Variants in KIF3C observed in about 807,000 individuals in gnomAD.
KIF3C encodes kinesin family member 3C, also known as kinesin-like protein KIF3C.
KIF3C carries 12 observed loss-of-function variants against 67.7 expected under a neutral mutation model. The ratio of observed to expected loss-of-function variants is 0.18; its 90% CI spans 0.11 to 0.29. KIF3C has a LOEUF of 0.29. KIF3C is among the 10% of genes least tolerant of loss of function. KIF3C has a pLI of 1.00. For synonymous variants in KIF3C, 393 were observed against 426.2 expected, an observed-to-expected ratio of 0.92 and a Z score of 0.96; for missense variants, 789 against 1,059.6, an observed-to-expected ratio of 0.74 and a Z score of 3.55.
At chr2:25,936,909 A>C (rs1294315929) in intron 5 of KIF3C, among the ~76,000 whole-genome samples, 1 of 152,222 alleles carries the variant, frequency 6.6e-6, no homozygotes, top group Non-Finnish European at 1.5e-5. Context: ...ATAAAAGAAC[A>C]CAGGTTTTGG....
chr2:25,947,784 CT>C (rs1307858462), intron 5 of KIF3C, among the ~76,000 whole-genome samples: 1 of 151,998 alleles, frequency 6.6e-6, no homozygotes, highest in Admixed American at 6.6e-5. Context: ...AACACTACTA[CT>C]AGCTAGGTGG....
chr2:25,939,003 TC>T (rs1663216281), intron 5 of KIF3C, among the ~76,000 whole-genome samples: 1 of 152,040 alleles, frequency 6.6e-6, no homozygotes, highest in Admixed American at 6.6e-5. Context: ...CTTCCTGCTC[TC>T]CCTCTCTCCC....
At position 25,981,074 on chromosome 2, in the gene KIF3C, C is replaced by T; in HGVS notation, c.844G>A (p.Ala282Thr). 1 of 1,614,122 alleles carries T rather than the reference C, an allele frequency of 6.2e-7. No individual in the cohort carries two copies. Among genetic ancestry groups the T allele is most frequent in the African/African-American group, 1.3e-5 (1 of 75,054 alleles). Reference sequence around the variant, plus strand: ...GCTTCCTTAGGCCTCTCTCCACCAGCACCACCACCACTGCCTCCACCGCCA... The same window carrying T: ...GCTTCCTTAGGCCTCTCTCCACCAGTACCACCACCACTGCCTCCACCGCCA... ...GGGGGGSGGG[A>T]GGERPKEASK... The change falls in exon 1 of 8, where the codon GCT (alanine) becomes ACT (threonine). Residue 282 changes from alanine (A) to threonine (T), a missense_variant. Transcript: ENST00000264712. The surrounding 1 kb of genome is among the most constrained non-coding windows in gnomAD (Gnocchi z 8.2).
chr2:25,934,013 T>C, intron 5 of KIF3C: 1 of 371,686 alleles, frequency 2.7e-6, no homozygotes, highest in Non-Finnish European at 5.5e-6. Flanking sequence ...GGTATATTCA[T>C]AGAGTGGAAT....
intron 5 of KIF3C, chr2:25,934,071 T>C (rs1401017072): frequency 2.1e-6 from 1 of 466,386 alleles, no homozygotes; most frequent in Non-Finnish European, 4.4e-6. Flanking sequence ...TGTTCCAACA[T>C]GGACGAACCT....
chr2:25,960,861 G>A (rs567248539), intron 1 of KIF3C, among the ~76,000 whole-genome samples: 33 of 152,304 alleles, frequency 2.2e-4, no homozygotes, highest in African/African-American at 7.7e-4. Context: ...ACTTGAGCCT[G>A]GGAGGTTGAG....
chr2:25,963,001 T>C (rs1328906854), intron 1 of KIF3C, among the ~76,000 whole-genome samples: 1 of 48,218 alleles, frequency 2.1e-5, no homozygotes, highest in African/African-American at 1.3e-4. Context: ...ATATATAATA[T>C]ATAATATATA....
intron 5 of KIF3C, among the ~76,000 whole-genome samples, chr2:25,930,889 T>C (rs927683863): frequency 2.6e-5 from 4 of 152,028 alleles, no homozygotes; most frequent in African/African-American, 4.8e-5. Flanking sequence ...TTTTACCACG[T>C]TGGCCAAGCT....
rs1466097634 is a variant in KIF3C, at chr2:25,928,026, T to C, written c.*952A>G. On this transcript the variant is annotated 3_prime_UTR_variant, in exon 8 of 8. Coordinates refer to ENST00000264712, the MANE Select transcript of KIF3C (RefSeq NM_002254.8). ...GAAGGGAAAAAGCAATAGATGTTAA[T>C]ATCTTCGTTTAGCGAGGGGTAGAAT... is the stretch of plus-strand genomic sequence containing the variant. The C allele has an allele frequency of 6.6e-6, 1 of 152,622 alleles. No individual in the cohort carries two copies. The highest frequency in any genetic ancestry group is 2.4e-5 in the African/African-American group (1 of 41,460). The allele number at this position is 152,622 out of a possible 1,614,324, so 9.5% of individuals were successfully genotyped here. A position where few individuals can be genotyped will look rare whatever the true frequency, so the allele number is the denominator to read the frequency against.
In KIF3C at chr2:25,951,057, G is replaced by A. The variant is rs1383033104; in HGVS notation, c.2006+732C>T. Among the ~76,000 whole-genome samples the A allele has an allele frequency of 2.0e-5, 3 of 152,242 alleles. No individual in the cohort carries two copies. In the South Asian group the frequency reaches 6.2e-4, roughly 32 times the overall value. ...TTTTAACATTAATATTCTAGAGAGA[G>A]CAAATAATCTCCAGGAAGGTGCATT... On this transcript the variant is annotated intron_variant, in intron 5 of 7. Coordinates refer to ENST00000264712, the MANE Select transcript of KIF3C (RefSeq NM_002254.8).
chr2:25,950,744 A>C (rs1403225534), intron 5 of KIF3C, among the ~76,000 whole-genome samples: 1 of 152,082 alleles, frequency 6.6e-6, no homozygotes, highest in East Asian at 1.9e-4. Context: ...GAGAATCTCT[A>C]CCTAGATTGG....
chr2:25,936,704 T>C (rs868441433), intron 5 of KIF3C, among the ~76,000 whole-genome samples: 2 of 152,294 alleles, frequency 1.3e-5, no homozygotes, highest in South Asian at 4.1e-4. Flanking sequence ...TACTTGATAT[T>C]GTCAATTGCT....
chr2:25,939,067 C>T (rs1172251275), intron 5 of KIF3C, among the ~76,000 whole-genome samples: 2 of 152,032 alleles, frequency 1.3e-5, no homozygotes, highest in East Asian at 3.9e-4. Context: ...GATCTTGGCA[C>T]ACTGCAACCT....
chr2:25,940,650 C>CTTTTTTTTTTTTT (rs70950139), intron 5 of KIF3C, among the ~76,000 whole-genome samples: 2 of 74,174 alleles, frequency 2.7e-5, no homozygotes, highest in Non-Finnish European at 2.4e-5. Flanking sequence ...TCAGAATGTT[C>CTTTTTTTTTTTTT]TTTTTTTTTT....
At chr2:25,929,117 AG>A (rs2090436480) in intron 7 of KIF3C, 46 bp from the exon 8 acceptor site, 2 of 1,544,136 alleles carry the variant, frequency 1.3e-6, no homozygotes, top group African/African-American at 2.7e-5. Context: ...AGGGAAATAC[AG>A]GAAACAGGAA....
intron 5 of KIF3C, among the ~76,000 whole-genome samples, chr2:25,937,530 G>A (rs1283840540): frequency 6.6e-6 from 1 of 152,176 alleles, no homozygotes; most frequent in African/African-American, 2.4e-5. Context: ...TGCTGCAGAC[G>A]CTGCTGGAAA....
chr2:25,974,694 A>T (rs1226449710), intron 1 of KIF3C, among the ~76,000 whole-genome samples: 2 of 152,062 alleles, frequency 1.3e-5, no homozygotes, highest in Non-Finnish European at 2.9e-5. Context: ...GGAGACCTCG[A>T]TCTGGGAGTC....
intron 1 of KIF3C, among the ~76,000 whole-genome samples, chr2:25,974,557 T>C (rs995177742): frequency 3.9e-5 from 6 of 152,174 alleles, no homozygotes; most frequent in Middle Eastern, 6.3e-3. Context: ...TCCCATTTTA[T>C]AGCTAAGGAA....
chr2:25,962,035 G>A (rs944820663), intron 1 of KIF3C, among the ~76,000 whole-genome samples: 6 of 152,136 alleles, frequency 3.9e-5, no homozygotes, highest in African/African-American at 1.4e-4. Flanking sequence ...AACTGGGGAT[G>A]AAAAGGAAAG....
Sources: gnomAD v4.1 joint callset for allele counts (sites outside exome capture counted in the v4.1 genomes callset) on GRCh38, gnomAD v4.1.1 for gene constraint, Gnocchi (gnomAD v3.1) non-coding constraint, MANE v1.5 for transcripts, NCBI Gene and HGNC (gene_info 2026-07-23, HGNC 2026-07-21) for gene names.